Variants in RAB28 observed in about 807,000 individuals in gnomAD.
RAB28 encodes ras-related protein Rab-28.
RAB28 carries 24 observed loss-of-function variants against 31.7 expected under a neutral mutation model. That is an observed-to-expected ratio of 0.76 (90% CI 0.55 to 1.06). RAB28 has a LOEUF of 1.06. Among genes scored for constraint, RAB28 ranks in the 50% least tolerant of loss-of-function variants. RAB28 has a pLI of 0.00. For missense variants in RAB28, 254 were observed against 258.5 expected (o/e 0.98, Z 0.12); for synonymous variants, 100 against 90.4 (o/e 1.11, Z -0.60).
intron 3 of RAB28, among the ~76,000 whole-genome samples, chr4:13,468,605 C>T (rs1329223667): frequency 1.3e-5 from 2 of 151,146 alleles, no homozygotes; most frequent in African/African-American, 4.9e-5. Flanking sequence ...GCATTGAATG[C>T]ATATATTAGA....
intron 4 of RAB28, among the ~76,000 whole-genome samples, chr4:13,456,319 T>C (rs1715295890): frequency 6.6e-6 from 1 of 152,276 alleles, no homozygotes; most frequent in East Asian, 1.9e-4. Context: ...TTAGCTCTAC[T>C]AATTTGCAAT....
chr4:13,412,020 C>CAAAA (rs1326578822), intron 4 of RAB28, among the ~76,000 whole-genome samples: 1 of 119,988 alleles, frequency 8.3e-6, no homozygotes, highest in Non-Finnish European at 1.8e-5. Flanking sequence ...ATTCAAAAGT[C>CAAAA]AAAAAAAAAA....
rs551061906 is a variant in RAB28 at position 13,432,982 on chromosome 4, T to A, written c.391+27717A>T. ...AAGACACAGAGTGGCAAATTGAATT[T>A]AAAAAAAAAAAAAGAAACGGAATTT... On this transcript the variant is annotated intron_variant, in intron 4 of 6. Transcript: ENST00000330852. 4.9e-3 allele frequency among the ~76,000 whole-genome samples: 691 copies of A among 140,170 alleles called. 6 individuals are homozygous for A. The highest frequency in any genetic ancestry group is 0.017 in the African/African-American group (653 of 38,432). The allele number at this position is 140,170 out of a possible 152,430, so 92.0% of individuals were successfully genotyped here. A position where few individuals can be genotyped will look rare whatever the true frequency, so the allele number is the denominator to read the frequency against.
intron 4 of RAB28, among the ~76,000 whole-genome samples, chr4:13,382,065 A>G (rs1729155329): frequency 6.6e-6 from 1 of 152,250 alleles, no homozygotes; most frequent in Non-Finnish European, 1.5e-5. Flanking sequence ...TAGCACAAAT[A>G]CATAACTTTC....
rs1209211885 is a variant in RAB28, at chr4:13,478,090, A to C, written c.172+1340T>G. On this transcript the variant is annotated intron_variant, in intron 2 of 6. Coordinates refer to ENST00000330852, the MANE Select transcript of RAB28 (RefSeq NM_001017979.3). ...GTGTACAACTGGCATCTGTGAAAAA[A>C]ACTCCTGCAAAAATAAGCTTCCAGC... 4.0e-5 allele frequency among the ~76,000 whole-genome samples: 6 copies of C among 151,534 alleles called. No homozygotes were observed. In the South Asian group the frequency reaches 6.2e-4, roughly 16 times the overall value.
intron 4 of RAB28, among the ~76,000 whole-genome samples, chr4:13,397,595 A>G (rs1729922445): frequency 6.6e-6 from 1 of 152,066 alleles, no homozygotes; most frequent in Non-Finnish European, 1.5e-5. Flanking sequence ...TTCAAATCCA[A>G]TTTCTTACAT....
At chr4:13,389,970 C>A (rs575236384) in intron 4 of RAB28, among the ~76,000 whole-genome samples, 1 of 152,282 alleles carries the variant, frequency 6.6e-6, no homozygotes, top group South Asian at 2.1e-4. Flanking sequence ...TGGGCAAAAA[C>A]TAGAAGCATT....
Position 13,370,608 on chromosome 4 carries a change from C to T in RAB28, c.574-1958G>A, listed in dbSNP as rs560144550. On this transcript the variant is annotated intron_variant, in intron 6 of 6. Coordinates refer to ENST00000330852, the MANE Select transcript of RAB28 (RefSeq NM_001017979.3). ...TTGAAGGTGGGGAGAGGAATGAAGACATCAGAGGAAGGCATATGCCATTTA... is the reference window on the plus strand; with the variant it reads ...TTGAAGGTGGGGAGAGGAATGAAGATATCAGAGGAAGGCATATGCCATTTA... 1.0e-4 allele frequency: 100 copies of T among 981,796 alleles called. No homozygotes were observed. In the African/African-American group the frequency reaches 1.6e-3, roughly 16 times the overall value. 60.8% of individuals were successfully genotyped at this position (981,796 alleles called of 1,614,324 possible). A position where few individuals can be genotyped will look rare whatever the true frequency, so the allele number is the denominator to read the frequency against.
intron 4 of RAB28, among the ~76,000 whole-genome samples, chr4:13,394,675 AAAG>A (rs1270363825): frequency 6.6e-6 from 1 of 152,234 alleles, no homozygotes; most frequent in Non-Finnish European, 1.5e-5. Context: ...TGAGGAAAAC[AAAG>A]AAGTATAATA....
intron 4 of RAB28, among the ~76,000 whole-genome samples, chr4:13,387,159 T>C (rs532105678): frequency 6.6e-6 from 1 of 152,124 alleles, no homozygotes; most frequent in South Asian, 2.1e-4. Context: ...GTGTAATACC[T>C]GGGTGATGAA....
chr4:13,376,650 T>G (rs1437589205), intron 5 of RAB28, 28 bp from the exon 6 acceptor site: 1 of 1,471,646 alleles, frequency 6.8e-7, no homozygotes, highest in African/African-American at 1.4e-5. Context: ...GTTTAAATGA[T>G]TTAAAAGAGG....
At chr4:13,471,463 A>C (rs752260540) in intron 3 of RAB28, among the ~76,000 whole-genome samples, 1 of 151,982 alleles carries the variant, frequency 6.6e-6, no homozygotes, top group Non-Finnish European at 1.5e-5. Context: ...ATTTATTTGG[A>C]ATCTCTGGAA....
intron 4 of RAB28, among the ~76,000 whole-genome samples, chr4:13,454,986 T>C (rs1715218567): frequency 6.6e-6 from 1 of 152,160 alleles, no homozygotes; most frequent in African/African-American, 2.4e-5. Context: ...TGCAGGGTTG[T>C]TTCTCAGACC....
chr4:13,463,085 C>T (rs1715680791), intron 3 of RAB28, among the ~76,000 whole-genome samples: 1 of 152,182 alleles, frequency 6.6e-6, no homozygotes, highest in Non-Finnish European at 1.5e-5. Context: ...TTAAAATTAA[C>T]ATACCACATG....
intron 4 of RAB28, among the ~76,000 whole-genome samples, chr4:13,410,322 A>T (rs1712362347): frequency 6.6e-6 from 1 of 152,136 alleles, no homozygotes; most frequent in Admixed American, 6.6e-5. Flanking sequence ...CCCCTAAATC[A>T]GTCCAAGGAA....
At chr4:13,391,218 A>G (rs1325534154) in intron 4 of RAB28, among the ~76,000 whole-genome samples, 1 of 152,202 alleles carries the variant, frequency 6.6e-6, no homozygotes. Flanking sequence ...AGAAAAAAAC[A>G]AACAACCCCA....
At chr4:13,479,321 T>A (rs528694957) in intron 2 of RAB28, 109 bp downstream of exon 2, 1 of 709,178 alleles carries the variant, frequency 1.4e-6, no homozygotes, top group South Asian at 1.7e-5. Context: ...ACTGTTTATA[T>A]ACATCTTCAT....
chr4:13,480,871 T>C (rs574452427), intron 1 of RAB28, among the ~76,000 whole-genome samples: 22 of 151,478 alleles, frequency 1.5e-4, no homozygotes, highest in Non-Finnish European at 2.8e-4. Context: ...TACAGACCAT[T>C]GTTTCTCATC....
intron 4 of RAB28, among the ~76,000 whole-genome samples, chr4:13,411,812 A>G (rs1712456205): frequency 6.6e-6 from 1 of 152,010 alleles, no homozygotes; most frequent in African/African-American, 2.4e-5. Flanking sequence ...GAGAAAAAAG[A>G]AAAATGTATT....
Sources: allele counts gnomAD v4.1 joint callset (sites outside exome capture counted in the v4.1 genomes callset), GRCh38; gene constraint gnomAD v4.1.1; transcripts MANE v1.5; gene names NCBI Gene and HGNC (gene_info 2026-07-23, HGNC 2026-07-21).